Variants in SMURF1 observed in about 807,000 individuals in gnomAD.
SMURF1 encodes the protein SMAD specific E3 ubiquitin protein ligase 1, also known as E3 ubiquitin-protein ligase SMURF1.
SMURF1 carries 44 observed loss-of-function variants against 98.0 expected under a neutral mutation model. The ratio of observed to expected loss-of-function variants is 0.45; its 90% CI spans 0.35 to 0.58. The LOEUF is 0.58. SMURF1 is among the 20% of genes least tolerant of loss of function. The pLI, the probability that SMURF1 is intolerant of heterozygous loss-of-function variation, is 0.00. For synonymous variants in SMURF1, 396 were observed against 374.9 expected, an observed-to-expected ratio of 1.06 and a Z score of -0.65; for missense variants, 687 against 938.4, an observed-to-expected ratio of 0.73 and a Z score of 3.50.
chr7:99,112,559 T>C (rs555692323), intron 1 of SMURF1, among the ~76,000 whole-genome samples: 5 of 152,154 alleles, frequency 3.3e-5, no homozygotes, highest in East Asian at 3.9e-4. Context: ...CATTATAATA[T>C]ACAAAAAATC....
chr7:99,091,930 T>C (rs1796822903), intron 1 of SMURF1, among the ~76,000 whole-genome samples: 1 of 152,198 alleles, frequency 6.6e-6, no homozygotes. Flanking sequence ...CTTTATTCAC[T>C]GCACCAGACC....
At chr7:99,051,021 G>T in intron 8 of SMURF1, 1 of 1,522,392 alleles carries the variant, frequency 6.6e-7, no homozygotes, top group Non-Finnish European at 8.9e-7. Context: ...TAAAGTAGAA[G>T]AGAGAAAGGG....
In SMURF1 at chr7:99,032,468, A is replaced by G. The variant is rs556445806; in HGVS notation, c.2096+569T>C. Among the ~76,000 whole-genome samples, 38 of 152,370 alleles carry G rather than the reference A, an allele frequency of 2.5e-4. No individual in the cohort carries two copies. In the South Asian group the frequency reaches 7.7e-3, roughly 31 times the overall value. ...CAGATCACCTGAGGCCAGGAGTTCC[A>G]GACTAGCCTGGCCAACATGGCAAAA... On this transcript the variant is annotated intron_variant, in intron 17 of 17. Transcript: ENST00000361368.
intron 1 of SMURF1, among the ~76,000 whole-genome samples, chr7:99,079,829 T>G (rs1277872083): frequency 6.6e-6 from 1 of 152,132 alleles, no homozygotes; most frequent in Non-Finnish European, 1.5e-5. Flanking sequence ...GACTTATTCA[T>G]TCACTAGAAA....
intron 1 of SMURF1, among the ~76,000 whole-genome samples, chr7:99,134,943 C>A (rs11764542): frequency 0.044 from 6,684 of 152,126 alleles, 176 homozygotes; most frequent in Middle Eastern, 0.068. Context: ...TCAGGCAACT[C>A]GCTATTACAT....
In SMURF1 at chr7:99,033,045, G is replaced by A. The variant is rs1355173049; in HGVS notation, c.2088C>T (p.Ala696=). Residue 696 remains alanine, a synonymous_variant, in exon 17 of 18, where the codon GCC becomes GCT. Coordinates refer to ENST00000361368, the MANE Select transcript of SMURF1 (RefSeq NM_181349.3). ...IDANTDNLPK[A]HTCFNRIDIP... ...CTGGCCGCGGTGCTTACCAGGTATG[G>A]GCCTTCGGAAGGTTGTCTGTGTTCG... The A allele has an allele frequency of 1.9e-6, 3 of 1,597,610 alleles. No individual in the cohort carries two copies. Among genetic ancestry groups the A allele is most frequent in the Admixed American group, 3.5e-5 (2 of 57,282 alleles).
At chr7:99,083,708 C>G (rs1053327488) in intron 1 of SMURF1, among the ~76,000 whole-genome samples, 5 of 152,352 alleles carry the variant, frequency 3.3e-5, no homozygotes, top group Middle Eastern at 3.4e-3. Context: ...TGCCTACAAA[C>G]TGCATTCTTT....
chr7:99,058,330 A>C (rs1363006291), intron 3 of SMURF1, among the ~76,000 whole-genome samples: 14 of 151,796 alleles, frequency 9.2e-5, no homozygotes. Context: ...GGGTTTCACC[A>C]TGTTGGCCAG....
At chr7:99,037,983 C>G (rs189678479) in intron 14 of SMURF1, among the ~76,000 whole-genome samples, 8 of 149,660 alleles carry the variant, frequency 5.3e-5, no homozygotes, top group Admixed American at 3.9e-4. Context: ...CTGCAAGTGC[C>G]TAGGCCGCAA....
In SMURF1 at chr7:99,047,881, G is replaced by C; in HGVS notation, c.955C>G (p.His319Asp). Residue 319 changes from histidine (H) to aspartate (D), a missense_variant and splice_region_variant, in exon 10 of 18, where the codon CAC becomes GAC. By Grantham distance (81) the His-to-Asp change is moderately conservative. Coordinates refer to ENST00000361368, the MANE Select transcript of SMURF1 (RefSeq NM_181349.3). ...TDPRLHHIMN[H>D]QCQLKEPSQP... Reference sequence around the variant, plus strand: ...CTGGGCTCCTTGAGTTGGCACTGGTGACTTGAGAAGAAGAGATGCAGAAAG... The same window carrying C: ...CTGGGCTCCTTGAGTTGGCACTGGTCACTTGAGAAGAAGAGATGCAGAAAG... 6.2e-7 allele frequency: 1 copy of C among 1,613,458 alleles called. No individual in the cohort carries two copies. The highest frequency in any genetic ancestry group is 8.5e-7 in the Non-Finnish European group (1 of 1,180,022).
intron 1 of SMURF1, among the ~76,000 whole-genome samples, chr7:99,107,103 T>A (rs929911483): frequency 6.6e-6 from 1 of 152,200 alleles, no homozygotes; most frequent in Non-Finnish European, 1.5e-5. Context: ...CCTTAGCACC[T>A]GCATAGCAGA....
chr7:99,117,124 C>T (rs182835433), intron 1 of SMURF1, among the ~76,000 whole-genome samples: 2 of 151,520 alleles, frequency 1.3e-5, no homozygotes, highest in East Asian at 3.9e-4. Flanking sequence ...GTCTTTTCAA[C>T]AAATGGTGCA....
intron 1 of SMURF1, among the ~76,000 whole-genome samples, chr7:99,094,271 A>G (rs1796894358): frequency 6.6e-6 from 1 of 152,176 alleles, no homozygotes; most frequent in African/African-American, 2.4e-5. Flanking sequence ...GAAAACACTC[A>G]ATTTTTGAAT....
intron 11 of SMURF1, among the ~76,000 whole-genome samples, chr7:99,044,226 C>T (rs1217822601): frequency 2.0e-5 from 3 of 152,112 alleles, no homozygotes; most frequent in African/African-American, 4.8e-5. Flanking sequence ...GCATGAGAAT[C>T]ACTTGAACCT....
chr7:99,137,592 T>G (rs1798021594), intron 1 of SMURF1, among the ~76,000 whole-genome samples: 1 of 152,184 alleles, frequency 6.6e-6, no homozygotes, highest in Non-Finnish European at 1.5e-5. Context: ...CTCCGGAGCT[T>G]AAAACATCTG....
intron 1 of SMURF1, among the ~76,000 whole-genome samples, chr7:99,102,535 T>C (rs1797105887): frequency 6.6e-6 from 1 of 152,236 alleles, no homozygotes; most frequent in Non-Finnish European, 1.5e-5. Context: ...TTACTCATTA[T>C]GTGAAAATAC....
chr7:99,090,742 C>T (rs1378745242), intron 1 of SMURF1, among the ~76,000 whole-genome samples: 1 of 152,138 alleles, frequency 6.6e-6, no homozygotes, highest in African/African-American at 2.4e-5. Context: ...CAACAAATGT[C>T]ATACTTTAGT....
intron 1 of SMURF1, among the ~76,000 whole-genome samples, chr7:99,138,929 G>T (rs559976776): frequency 1.3e-5 from 2 of 152,280 alleles, no homozygotes; most frequent in South Asian, 2.1e-4. Context: ...TGCCTTAACT[G>T]TATCTTCCTA....
Position 99,143,913 on chromosome 7 carries a change from CCG to C in SMURF1, c.-135_-134del. On this transcript the variant is annotated 5_prime_UTR_variant, in exon 1 of 18. Coordinates refer to ENST00000361368, the MANE Select transcript of SMURF1 (RefSeq NM_181349.3). Reference sequence around the variant, plus strand: ...CGGGGTCCGAGCCGGGACACAAACTCCGCGGCCCAGGCGTCCGGGCGGCAGGC... The same window carrying C: ...CGGGGTCCGAGCCGGGACACAAACTCCGGCCCAGGCGTCCGGGCGGCAGGC... The C allele has an allele frequency of 1.4e-6, 1 of 733,798 alleles. No individual in the cohort carries two copies. The highest frequency in any genetic ancestry group is 2.0e-6 in the Non-Finnish European group (1 of 508,674). 45.5% of individuals were successfully genotyped at this position (733,798 alleles called of 1,614,324 possible).
Sources: gnomAD v4.1 joint callset for allele counts (sites outside exome capture counted in the v4.1 genomes callset) on GRCh38, gnomAD v4.1.1 for gene constraint, MANE v1.5 for transcripts, NCBI Gene and HGNC (gene_info 2026-07-23, HGNC 2026-07-21) for gene names.